Variants in UBE3A observed in about 807,000 individuals in gnomAD.
UBE3A encodes ubiquitin protein ligase E3A, also known as ubiquitin-protein ligase E3A.
Under a neutral mutation model 83.4 loss-of-function variants are expected in UBE3A, and 6 were observed. The ratio of observed to expected loss-of-function variants is 0.07; its 90% CI spans 0.04 to 0.14. The LOEUF (loss-of-function observed/expected upper bound fraction) is 0.14. Ranked by LOEUF, UBE3A falls within the 10% of genes least tolerant of loss-of-function variation. The pLI, the probability that UBE3A is intolerant of heterozygous loss-of-function variation, is 1.00. For missense variants in UBE3A, 456 were observed against 1,036.1 expected (o/e 0.44, Z 7.69); for synonymous variants, 337 against 355.4 (o/e 0.95, Z 0.58).
rs977986564 is a variant in UBE3A at position 25,337,862 on chromosome 15, T to G, written c.*1275A>C. ...GAAGACTAGGAAAGGGGAAACTACT[T>G]ACTTCTGGAAATCAGTAATGTAAAC... On this transcript the variant is annotated 3_prime_UTR_variant, in exon 13 of 13. Coordinates refer to ENST00000648336, the MANE Select transcript of UBE3A (RefSeq NM_130839.5). The G allele has an allele frequency of 6.6e-6, 1 of 152,336 alleles. No individual in the cohort carries two copies. Among genetic ancestry groups the G allele is most frequent in the East Asian group, 1.9e-4 (1 of 5,188 alleles). 9.4% of individuals were successfully genotyped at this position (152,336 alleles called of 1,614,324 possible).
chr15:25,403,763 T>C (rs148361336), intron 4 of UBE3A, among the ~76,000 whole-genome samples: 79 of 152,284 alleles, frequency 5.2e-4, no homozygotes, highest in Non-Finnish European at 9.6e-4. Flanking sequence ...TAAAACATTA[T>C]TCAGCCTGAA....
rs1480567501 is a variant in UBE3A, at chr15:25,338,575, G to GCAGTAATTGCATC, written c.*549_*561dup. On this transcript the variant is annotated 3_prime_UTR_variant, in exon 13 of 13. Transcript: ENST00000648336. ...AGAAAACTCTTTGGGGGCTAGAACA[G>GCAGTAATTGCATC]CAGTAATTGCATCACACTGTTTTCA... is the stretch of plus-strand genomic sequence containing the variant. The GCAGTAATTGCATC allele has an allele frequency of 2.0e-5, 3 of 151,992 alleles. No individual in the cohort carries two copies. The highest frequency in any genetic ancestry group is 4.4e-5 in the Non-Finnish European group (3 of 67,976). 9.4% of individuals were successfully genotyped at this position (151,992 alleles called of 1,614,324 possible).
chr15:25,345,917 A>G (rs2075616224), intron 11 of UBE3A: 1 of 152,226 alleles, frequency 6.6e-6, no homozygotes, highest in African/African-American at 2.4e-5. Flanking sequence ...GGTGAATAAA[A>G]CAGAACAATA....
chr15:25,373,097 G>C (rs1476582051), intron 5 of UBE3A, among the ~76,000 whole-genome samples: 2 of 152,096 alleles, frequency 1.3e-5, no homozygotes, highest in East Asian at 3.9e-4. Flanking sequence ...GTTCTATTAA[G>C]AATATATAAG....
intron 4 of UBE3A, among the ~76,000 whole-genome samples, chr15:25,383,110 G>A (rs2082486753): frequency 6.6e-6 from 1 of 151,848 alleles, no homozygotes; most frequent in South Asian, 2.1e-4. Flanking sequence ...CAAGAAAAAA[G>A]AATCCCTAAT....
At chr15:25,433,417 A>G (rs566029283) in intron 1 of UBE3A, among the ~76,000 whole-genome samples, 2 of 152,038 alleles carry the variant, frequency 1.3e-5, no homozygotes, top group South Asian at 4.1e-4. Flanking sequence ...CGATCTCCTG[A>G]TCTCGTGATC....
chr15:25,415,563 G>A (rs1235606960), intron 1 of UBE3A: 1 of 152,132 alleles, frequency 6.6e-6, no homozygotes, highest in Non-Finnish European at 1.5e-5. Flanking sequence ...ATCATGCCAT[G>A]TTAAAAACTG....
intron 11 of UBE3A, among the ~76,000 whole-genome samples, chr15:25,350,694 C>A (rs1478870982): frequency 2.0e-5 from 3 of 151,818 alleles, no homozygotes; most frequent in Non-Finnish European, 4.4e-5. Flanking sequence ...AACTGTCCAC[C>A]AACAGGTAAA....
chr15:25,406,643 T>G (rs1232505854), intron 3 of UBE3A, among the ~76,000 whole-genome samples: 1 of 151,988 alleles, frequency 6.6e-6, no homozygotes, highest in African/African-American at 2.4e-5. Context: ...TCACTGACTT[T>G]AGGCTTCCAA....
intron 3 of UBE3A, chr15:25,408,315 G>A (rs2089182185): frequency 7.1e-6 from 3 of 420,862 alleles, no homozygotes; most frequent in Non-Finnish European, 1.3e-5. Context: ...TTACTGCCAA[G>A]TTGCTGGAAG....
Position 25,335,674 on chromosome 15 carries a change from T to C in UBE3A, c.*3463A>G, listed in dbSNP as rs1003788535. On this transcript the variant is annotated 3_prime_UTR_variant, in exon 13 of 13. Transcript: ENST00000648336. ...ATGGTCGGTCGATAGAGATGCAAGA[T>C]GAAGAATTTTGTTTTTAGGACTACT... 1 of 152,130 alleles carries C rather than the reference T, an allele frequency of 6.6e-6. No individual in the cohort carries two copies. The highest frequency in any genetic ancestry group is 6.5e-5 in the Admixed American group (1 of 15,282). 9.4% of individuals were successfully genotyped at this position (152,130 alleles called of 1,614,324 possible).
intron 4 of UBE3A, among the ~76,000 whole-genome samples, chr15:25,397,152 A>C (rs1270117117): frequency 1.3e-5 from 2 of 152,212 alleles, no homozygotes; most frequent in African/African-American, 4.8e-5. Context: ...GAATGTGAGA[A>C]ATGGTAGCAG....
At chr15:25,406,856 G>GAAAAAAAAAAAAAAAAAA (rs11413336) in intron 3 of UBE3A, among the ~76,000 whole-genome samples, 2 of 114,684 alleles carry the variant, frequency 1.7e-5, no homozygotes, top group Non-Finnish European at 3.3e-5. Flanking sequence ...AATGGAAAAG[G>GAAAAAAAAAAAAAAAAAA]AAAAAAAAAA....
intron 9 of UBE3A, among the ~76,000 whole-genome samples, chr15:25,355,270 T>TACTG (rs1488650312): frequency 6.6e-6 from 1 of 152,188 alleles, no homozygotes; most frequent in Non-Finnish European, 1.5e-5. Context: ...AATGTGGAAG[T>TACTG]ACTGACTGAC....
intron 11 of UBE3A, among the ~76,000 whole-genome samples, chr15:25,341,761 A>G (rs1349072371): frequency 1.4e-5 from 2 of 141,670 alleles, no homozygotes; most frequent in East Asian, 3.9e-4. Flanking sequence ...AGCCATCTCA[A>G]AAAAAAAAAA....
chr15:25,423,991 A>G (rs927045319), intron 1 of UBE3A, among the ~76,000 whole-genome samples: 1 of 152,176 alleles, frequency 6.6e-6, no homozygotes, highest in Non-Finnish European at 1.5e-5. Flanking sequence ...ATGGTCTACC[A>G]ATTGGTCTGT....
At chr15:25,436,598 C>G (rs892126235) in intron 1 of UBE3A, among the ~76,000 whole-genome samples, 6 of 152,080 alleles carry the variant, frequency 3.9e-5, no homozygotes, top group African/African-American at 1.4e-4. Context: ...TAGAAATTAT[C>G]TAAAGTTTAA....
chr15:25,377,552 T>C lies in UBE3A; in HGVS notation c.63-1789A>G, dbSNP rs540727992. ...GAATCTAGAAAATTTAAAATATATA[T>C]TGCTACCCTTCAGTAAAGAAAGGGA... On this transcript the variant is annotated intron_variant, in intron 4 of 12. Coordinates refer to ENST00000648336, the MANE Select transcript of UBE3A (RefSeq NM_130839.5). Among the ~76,000 whole-genome samples, 13 of 152,152 alleles carry C rather than the reference T, an allele frequency of 8.5e-5. No individual in the cohort carries two copies. In the South Asian group the frequency reaches 2.7e-3, roughly 32 times the overall value.
At chr15:25,394,777 G>A (rs1020534477) in intron 4 of UBE3A, among the ~76,000 whole-genome samples, 21 of 152,064 alleles carry the variant, frequency 1.4e-4, no homozygotes, top group African/African-American at 4.8e-4. Flanking sequence ...CTACATTTCT[G>A]CAAGATAATT....
Sources: gnomAD v4.1 joint callset for allele counts (sites outside exome capture counted in the v4.1 genomes callset) on GRCh38, gnomAD v4.1.1 for gene constraint, MANE v1.5 for transcripts, NCBI Gene and HGNC (gene_info 2026-07-23, HGNC 2026-07-21) for gene names.